Variants in F5 observed in about 807,000 individuals in gnomAD.
The protein encoded by F5 is coagulation factor V, also known as activated protein c cofactor.
F5 carries 138 observed loss-of-function variants against 216.4 expected under a neutral mutation model. That is an observed-to-expected ratio of 0.64 (90% CI 0.56 to 0.73). The LOEUF (loss-of-function observed/expected upper bound fraction) is 0.73, where lower values mean the gene tolerates loss of function less well. Ranked by LOEUF, F5 falls within the 30% of genes least tolerant of loss-of-function variation. The probability of loss-of-function intolerance (pLI) is 0.00; values close to 1 mark genes in which losing one functional copy is unlikely to be tolerated. For missense variants in F5, 2,403 were observed against 2,674.0 expected, an observed-to-expected ratio of 0.90 and a Z score of 2.24; for synonymous variants, 916 against 930.7, an observed-to-expected ratio of 0.98 and a Z score of 0.29.
intron 2 of F5, among the ~76,000 whole-genome samples, chr1:169,582,069 T>A (rs181627946): frequency 2.6e-5 from 4 of 152,354 alleles, no homozygotes; most frequent in African/African-American, 9.6e-5. Flanking sequence ...TAACAGTTTT[T>A]TAGATGAATG....
intron 23 of F5, among the ~76,000 whole-genome samples, chr1:169,517,147 T>G (rs1204993623): frequency 6.6e-6 from 1 of 152,190 alleles, no homozygotes; most frequent in Non-Finnish European, 1.5e-5. Context: ...CAAAATGAGG[T>G]ATTTGGGCTG....
At chr1:169,544,146 G>A (rs1043532051) in intron 12 of F5, 150 bp downstream of exon 12, 19 of 703,926 alleles carry the variant, frequency 2.7e-5, no homozygotes, top group Non-Finnish European at 4.5e-5. Context: ...ATTTCTCAAA[G>A]AGAAATCATG....
intron 3 of F5, among the ~76,000 whole-genome samples, chr1:169,570,662 T>C (rs532777080): frequency 1.2e-4 from 18 of 152,230 alleles, no homozygotes; most frequent in South Asian, 6.2e-4. Flanking sequence ...GGGTATGAGT[T>C]TGACAACAGT....
At position 169,542,245 on chromosome 1, in the gene F5, A is replaced by C. The variant is rs140363430; in HGVS notation, c.2845T>G (p.Leu949Val). The C allele has an allele frequency of 3.8e-5, 62 of 1,614,098 alleles. No individual in the cohort carries two copies. The African/African-American group carries it at 7.5e-4, about 19-fold the overall frequency. Residue 949 changes from leucine (L) to valine (V), a missense_variant, in exon 13 of 25, where the codon TTG becomes GTG. Leu to Val is a conservative substitution (Grantham distance 32). Transcript: ENST00000367797. ...TCATAGCTACCTTTCTCAGAAGCCA[A>C]ATGCCATCTCCCAACCAAAATCTTA... is the stretch of plus-strand genomic sequence containing the variant. The part of the protein sequence containing the change: ...SSKILVGRWH[L>V]ASEKGSYEII...
Position 169,514,424 on chromosome 1 carries a change from C to A in F5, c.6564G>T (p.Val2188=). 6.2e-7 allele frequency: 1 copy of A among 1,613,230 alleles called. No individual in the cohort carries two copies. Residue 2188 remains valine (V), a synonymous_variant, in exon 25 of 25, where the codon GTG becomes GTT. Transcript: ENST00000367797. ...TGATTGGGGGGTTGAAAAAGTTCTT[C>A]ACATGTCCTTTGGTATTAGTATTTC... ...FEGNTNTKGH[V]KNFFNPPIIS...
intron 13 of F5, 37 bp downstream of exon 13, chr1:169,540,257 G>A: frequency 3.1e-6 from 5 of 1,608,838 alleles, no homozygotes; most frequent in Non-Finnish European, 4.2e-6. Context: ...AGCAGTAATG[G>A]AAAAATGAGA....
In F5 at chr1:169,542,053, G is replaced by A; in HGVS notation, c.3037C>T (p.Gln1013Ter). Reference protein sequence around the residue: ...RVRHKSLQVRQDGGKSRLKKS... With the variant: ...RVRHKSLQVR ...TTCAGTCTACTCTTTCCTCCATCCTGTCTTACTTGTAGAGATTTATGTCTA... is the reference window on the plus strand; with the variant it reads ...TTCAGTCTACTCTTTCCTCCATCCTATCTTACTTGTAGAGATTTATGTCTA... Residue 1013 changes from glutamine (Q) to a stop codon, truncating the protein, a stop_gained, in exon 13 of 25, where the codon CAG becomes TAG. Coordinates refer to ENST00000367797, the MANE Select transcript of F5 (RefSeq NM_000130.5). LOFTEE classifies it high-confidence loss of function. 6.2e-7 allele frequency: 1 copy of A among 1,613,962 alleles called. No individual in the cohort carries two copies. Among genetic ancestry groups the A allele is most frequent in the Non-Finnish European group, 8.5e-7 (1 of 1,180,000 alleles).
intron 18 of F5, 103 bp downstream of exon 18, chr1:169,525,798 C>T (rs1382551909): frequency 1.1e-6 from 1 of 871,892 alleles, no homozygotes; most frequent in Non-Finnish European, 1.9e-6. Context: ...GCCTTTGTCA[C>T]ATCAGAGTTC....
rs1460185394 is a variant in F5 at position 169,542,541 on chromosome 1, A to T, written c.2549T>A (p.Leu850His). 1.9e-6 allele frequency: 3 copies of T among 1,613,956 alleles called. No homozygotes were observed. The African/African-American group carries it at 4.0e-5, about 22-fold the overall frequency. Residue 850 changes from leucine (L) to histidine (H), a missense_variant, in exon 13 of 25, where the codon CTT (leucine) becomes CAT (histidine). Around this residue, in one of 4 missense-constraint regions of F5, gnomAD observed 1,425 missense variants for 1,554.8 expected, o/e 0.92. Coordinates refer to ENST00000367797, the MANE Select transcript of F5 (RefSeq NM_000130.5). ...TTTGAATTCTCCAGCACCAAGTGAA[A>T]GTAGACGTATCCCTGTGACATCTGG... ...LQPDVTGIRL[L>H]SLGAGEFKSQ...
At chr1:169,576,170 T>C (rs1660843638) in intron 2 of F5, among the ~76,000 whole-genome samples, 1 of 152,180 alleles carries the variant, frequency 6.6e-6, no homozygotes, top group Non-Finnish European at 1.5e-5. Flanking sequence ...CATTTTGGAC[T>C]TCTCATCTGC....
At chr1:169,560,794 G>A (rs1660461313) in intron 3 of F5, 28 bp from the exon 4 acceptor site, 1 of 1,606,654 alleles carries the variant, frequency 6.2e-7, no homozygotes, top group Non-Finnish European at 8.5e-7. Flanking sequence ...ATCAAGACAT[G>A]TGGGCAGTTT....
At chr1:169,520,927 G>A (rs1401180152) in intron 21 of F5, among the ~76,000 whole-genome samples, 1 of 152,112 alleles carries the variant, frequency 6.6e-6, no homozygotes, top group African/African-American at 2.4e-5. Context: ...AAAGAGCTCA[G>A]AAGACAGACT....
intron 14 of F5, among the ~76,000 whole-genome samples, chr1:169,531,736 C>T (rs1022354125): frequency 6.6e-6 from 1 of 151,840 alleles, no homozygotes; most frequent in Non-Finnish European, 1.5e-5. Context: ...GACTTAAATG[C>T]CATATGAGAA....
chr1:169,562,444 T>C (rs1166633201), intron 3 of F5, among the ~76,000 whole-genome samples: 2 of 152,148 alleles, frequency 1.3e-5, no homozygotes, highest in African/African-American at 4.8e-5. Flanking sequence ...TTCTTAATTG[T>C]AGTGTTCTTT....
Position 169,520,547 on chromosome 1 carries a change from A to G in F5, c.6166T>C (p.Leu2056=), listed in dbSNP as rs1659274198. 2.5e-6 allele frequency: 4 copies of G among 1,614,044 alleles called. No individual in the cohort carries two copies. The highest frequency in any genetic ancestry group is 1.3e-5 in the African/African-American group (1 of 75,032). ...TRAYNRPTLR[L]ELQGCEVNGC... The stretch of plus-strand genomic sequence containing the variant: ...TTTACCTCACAACCTTGCAGTTCCA[A>G]TCGAAGGGTAGGTCTGTTATAGGCT... Residue 2056 remains leucine (L), a synonymous_variant, in exon 22 of 25, where the codon TTG becomes CTG. Transcript: ENST00000367797.
chr1:169,576,573 A>G (rs1324503040), intron 2 of F5, among the ~76,000 whole-genome samples: 1 of 152,094 alleles, frequency 6.6e-6, no homozygotes, highest in African/African-American at 2.4e-5. Flanking sequence ...AGCTCTCCCT[A>G]TTCCTTCCAC....
chr1:169,530,906 T>A lies in F5; in HGVS notation c.5088A>T (p.Glu1696Asp), dbSNP rs1213964987. 3 of 1,613,960 alleles carry A rather than the reference T, an allele frequency of 1.9e-6. No individual in the cohort carries two copies. Among genetic ancestry groups the A allele is most frequent in the Non-Finnish European group, 2.5e-6 (3 of 1,179,864 alleles). ...YEDDSPEWFK[E>D]DNAVQPNSSY... Reference sequence around the variant, plus strand: ...TGCTATTTGGCTGAACAGCATTATCTTCCTTAAACCATTCAGGAGAGTCAT... The same window carrying A: ...TGCTATTTGGCTGAACAGCATTATCATCCTTAAACCATTCAGGAGAGTCAT... Residue 1696 changes from glutamate (E) to aspartate (D), a missense_variant, in exon 15 of 25, where the codon GAA (glutamate) becomes GAT (aspartate). Coordinates refer to ENST00000367797, the MANE Select transcript of F5 (RefSeq NM_000130.5).
At chr1:169,519,217 T>C (rs1659229501) in intron 22 of F5, among the ~76,000 whole-genome samples, 1 of 152,140 alleles carries the variant, frequency 6.6e-6, no homozygotes, top group South Asian at 2.1e-4. Flanking sequence ...AGAAATTTTC[T>C]TGAAGTGATG....
rs3035292 is a variant in F5 at position 169,577,560 on chromosome 1, AATATATATATATATATATATAT to A, written c.250+4849_250+4870del. ...TGTACCACCATGTCTGGCTAATTTAAATATATATATATATATATATATATATATATATATATATATATATGTA... is the reference window on the plus strand; with the variant it reads ...TGTACCACCATGTCTGGCTAATTTAAATATATATATATATATATATATGTA... On this transcript the variant is annotated intron_variant, in intron 2 of 24. Transcript: ENST00000367797. Among the ~76,000 whole-genome samples, 92 of 54,466 alleles carry A rather than the reference AATATATATATATATATATATAT, an allele frequency of 1.7e-3. 5 individuals are homozygous for A. The highest frequency in any genetic ancestry group is 2.6e-3 in the Admixed American group (10 of 3,796). 35.7% of individuals were successfully genotyped at this position (54,466 alleles called of 152,430 possible). A position where few individuals can be genotyped will look rare whatever the true frequency, so the allele number is the denominator to read the frequency against.
Sources: gnomAD v4.1 joint callset for allele counts (sites outside exome capture counted in the v4.1 genomes callset) on GRCh38, gnomAD v4.1.1 for gene constraint, gnomAD v4.1.1 regional missense constraint, MANE v1.5 for transcripts, NCBI Gene and HGNC (gene_info 2026-07-23, HGNC 2026-07-21) for gene names.